RARB: variants seen among roughly 807,000 people sequenced by gnomAD.
RARB encodes HBV-activated protein.
In RARB, 17 loss-of-function variants were observed where a neutral mutation model predicts 51.9. The ratio of observed to expected loss-of-function variants is 0.33; its 90% confidence interval spans 0.22 to 0.49. The LOEUF (loss-of-function observed/expected upper bound fraction) is 0.49. Among genes scored for constraint, RARB ranks in the 20% least tolerant of loss-of-function variants. The pLI is 0.99. For synonymous variants in RARB, 215 were observed against 195.4 expected (o/e 1.10, Z -0.84); for missense variants, 369 against 550.8 (o/e 0.67, Z 3.30).
intron 5 of RARB, among the ~76,000 whole-genome samples, chr3:25,373,372 A>G (rs1187848738): frequency 2.0e-5 from 3 of 152,138 alleles, no homozygotes. Flanking sequence ...CAGGAAATGA[A>G]GAAGGAGAAT....
chr3:24,894,595 T>A (rs1464266767), intron 2 of RARB, among the ~76,000 whole-genome samples: 1 of 152,202 alleles, frequency 6.6e-6, no homozygotes, highest in Non-Finnish European at 1.5e-5. Context: ...TGTGTCTTTT[T>A]TGTGTAATGA....
chr3:25,096,554 A>C (rs1324587873), intron 3 of RARB, among the ~76,000 whole-genome samples: 1 of 152,178 alleles, frequency 6.6e-6, no homozygotes, highest in Non-Finnish European at 1.5e-5. Context: ...CCAATAACTG[A>C]CTTTTTTGAC....
chr3:25,409,287 T>G (rs1419536062), intron 5 of RARB, among the ~76,000 whole-genome samples: 3 of 152,194 alleles, frequency 2.0e-5, no homozygotes, highest in Admixed American at 2.0e-4. Flanking sequence ...ACCATACAAC[T>G]GACTTTTCTT....
At chr3:25,141,487 G>A (rs749769805) in intron 4 of RARB, among the ~76,000 whole-genome samples, 1 of 152,150 alleles carries the variant, frequency 6.6e-6, no homozygotes, top group Non-Finnish European at 1.5e-5. Context: ...GGTCTTAGGA[G>A]AGGCAGCATC....
chr3:25,551,931 C>T (rs535900486), intron 3 of RARB, among the ~76,000 whole-genome samples: 2 of 152,182 alleles, frequency 1.3e-5, no homozygotes, highest in Non-Finnish European at 2.9e-5. Context: ...CTGCATTCCT[C>T]TTTTTGAAGT....
At chr3:24,895,249 C>A (rs1427126083) in intron 2 of RARB, among the ~76,000 whole-genome samples, 4 of 152,140 alleles carry the variant, frequency 2.6e-5, no homozygotes, top group Admixed American at 2.6e-4. Flanking sequence ...AATAGGTAGA[C>A]TAAAAATAGA....
At chr3:25,408,841 C>A (rs1169960383) in intron 5 of RARB, among the ~76,000 whole-genome samples, 1 of 152,120 alleles carries the variant, frequency 6.6e-6, no homozygotes, top group Non-Finnish European at 1.5e-5. Flanking sequence ...CAAGACCAGC[C>A]TGGCCATCAT....
chr3:24,973,059 C>A (rs187351290), intron 2 of RARB, among the ~76,000 whole-genome samples: 5 of 151,940 alleles, frequency 3.3e-5, no homozygotes, highest in African/African-American at 9.7e-5. Context: ...CCCAGACCAA[C>A]GTCCTGAAGC....
intron 2 of RARB, among the ~76,000 whole-genome samples, chr3:25,482,625 T>C (rs1575446299): frequency 1.5e-5 from 2 of 130,288 alleles, no homozygotes; most frequent in African/African-American, 5.6e-5. Context: ...CTGCAACCTC[T>C]GCCTCCCAGG....
chr3:25,429,016 G>T (rs140130284), intron 1 of RARB, 128 bp downstream of exon 1: 29 of 1,195,234 alleles, frequency 2.4e-5, no homozygotes, highest in Non-Finnish European at 2.8e-5. Context: ...TGCTGAAGGG[G>T]TGTGATATGC....
rs550342146 is a variant in RARB at position 25,502,407 on chromosome 3, G to A, written c.448+1084G>A. The stretch of plus-strand genomic sequence containing the variant: ...CAACCAGAGGCATTACTCTGAGGGT[G>A]CTCAGCTGGGAATCTTGCCCTCTGC... On this transcript the variant is annotated intron_variant, in intron 3 of 7. Transcript: ENST00000330688. Among the ~76,000 whole-genome samples, 5 of 152,300 alleles carry A rather than the reference G, an allele frequency of 3.3e-5. No homozygotes were observed. The South Asian group carries it at 8.3e-4, about 25-fold the overall frequency.
chr3:25,067,074 G>A (rs958460010), intron 3 of RARB, among the ~76,000 whole-genome samples: 1 of 152,190 alleles, frequency 6.6e-6, no homozygotes, highest in Non-Finnish European at 1.5e-5. Context: ...ATCCTAACTG[G>A]CAGATATAGA....
At position 25,099,618 on chromosome 3, in the gene RARB, A is replaced by T. The variant is rs1039068290; in HGVS notation, c.-327-32543A>T. On this transcript the variant is annotated intron_variant, in intron 3 of 11. Coordinates refer to the RARB transcript ENST00000383772. ...TCTCATGAGTATTTTCAGGATTTAA[A>T]AAAAAAAAAAAAAAAAACTTTCATT... Among the ~76,000 whole-genome samples, 16 of 2,972 alleles carry T rather than the reference A, an allele frequency of 5.4e-3. No homozygotes were observed. In the African/African-American group the frequency reaches 0.1, roughly 19 times the overall value. The allele number at this position is 2,972 out of a possible 152,430, so 1.9% of individuals were successfully genotyped here. A position where few individuals can be genotyped will look rare whatever the true frequency, so the allele number is the denominator to read the frequency against.
chr3:25,130,529 T>C (rs149998849), intron 3 of RARB, among the ~76,000 whole-genome samples: 201 of 152,046 alleles, frequency 1.3e-3, no homozygotes, highest in African/African-American at 4.6e-3. Context: ...CACCTTGTAT[T>C]TACTCTCTTT....
intron 2 of RARB, among the ~76,000 whole-genome samples, chr3:25,464,941 G>A (rs994294003): frequency 6.6e-6 from 1 of 152,048 alleles, no homozygotes; most frequent in Admixed American, 6.5e-5. Flanking sequence ...GTAGTTTACG[G>A]TTATGTCATA....
intron 5 of RARB, among the ~76,000 whole-genome samples, chr3:25,317,047 TATAAC>T (rs1704444925): frequency 6.6e-6 from 1 of 151,486 alleles, no homozygotes; most frequent in Admixed American, 6.6e-5. Context: ...AGGGAAATCT[TATAAC>T]TAACTGTTAA....
intron 2 of RARB, among the ~76,000 whole-genome samples, chr3:24,888,601 A>G (rs1024631075): frequency 6.6e-6 from 1 of 152,142 alleles, no homozygotes; most frequent in Non-Finnish European, 1.5e-5. Context: ...AATCTGTAAA[A>G]CGACAGTAAA....
At chr3:24,895,217 A>G (rs1218633495) in intron 2 of RARB, among the ~76,000 whole-genome samples, 1 of 152,228 alleles carries the variant, frequency 6.6e-6, no homozygotes, top group Non-Finnish European at 1.5e-5. Flanking sequence ...GGATTGTCTA[A>G]TATCACACAG....
At chr3:25,545,695 A>C (rs557261632) in intron 3 of RARB, among the ~76,000 whole-genome samples, 1 of 152,278 alleles carries the variant, frequency 6.6e-6, no homozygotes, top group Non-Finnish European at 1.5e-5. Context: ...ACAAGCCCAC[A>C]GACCAAGGGC....
Sources: allele counts gnomAD v4.1 joint callset (sites outside exome capture counted in the v4.1 genomes callset), GRCh38; gene constraint gnomAD v4.1.1; transcripts MANE v1.5; gene names NCBI Gene and HGNC (gene_info 2026-07-23, HGNC 2026-07-21).